The following EDIL3 variants were observed in gnomAD, a reference collection of about 807,000 sequenced individuals.
EDIL3 encodes the protein EGF like and discoidin domains 3, also known as EGF-like repeat and discoidin I-like domain-containing protein 3.
In EDIL3, 37 loss-of-function variants were observed where a neutral mutation model predicts 67.4. That is an observed-to-expected ratio of 0.55 (90% CI 0.42 to 0.72). The LOEUF (loss-of-function observed/expected upper bound fraction) is 0.72. Ranked by LOEUF, EDIL3 falls within the 30% of genes least tolerant of loss-of-function variation. The pLI, the probability that EDIL3 is intolerant of heterozygous loss-of-function variation, is 0.00. For missense variants in EDIL3, 527 were observed against 586.3 expected (o/e 0.90, Z 1.04); for synonymous variants, 195 against 196.3 (o/e 0.99, Z 0.05).
chr5:84,098,707 C>G (rs949243501), intron 6 of EDIL3, among the ~76,000 whole-genome samples: 1 of 152,098 alleles, frequency 6.6e-6, no homozygotes, highest in Non-Finnish European at 1.5e-5. Context: ...TTATTTGAAA[C>G]TAATGAGAAC....
chr5:84,327,707 C>G (rs929245426), intron 1 of EDIL3, among the ~76,000 whole-genome samples: 21 of 151,850 alleles, frequency 1.4e-4, no homozygotes, highest in African/African-American at 5.1e-4. Context: ...CACCAACTTC[C>G]CAAGACCACT....
At chr5:84,211,675 C>A (rs546974834) in intron 3 of EDIL3, among the ~76,000 whole-genome samples, 14 of 152,262 alleles carry the variant, frequency 9.2e-5, no homozygotes, top group Admixed American at 8.5e-4. Context: ...TGCCCACAGC[C>A]AACACAAACT....
intron 9 of EDIL3, among the ~76,000 whole-genome samples, chr5:84,054,053 T>C (rs1429163787): frequency 4.6e-5 from 7 of 151,980 alleles, no homozygotes; most frequent in Non-Finnish European, 1.0e-4. Context: ...GATGCAAAAA[T>C]CCTCAATAAA....
At chr5:84,184,723 C>T (rs756519114) in intron 3 of EDIL3, among the ~76,000 whole-genome samples, 25 of 152,150 alleles carry the variant, frequency 1.6e-4, no homozygotes, top group Admixed American at 3.9e-4. Context: ...TTTCTTAAGT[C>T]CCAAGCATTC....
At chr5:84,269,774 C>T (rs879604660) in intron 1 of EDIL3, among the ~76,000 whole-genome samples, 1 of 152,156 alleles carries the variant, frequency 6.6e-6, no homozygotes, top group African/African-American at 2.4e-5. Flanking sequence ...TTTTCCCAGA[C>T]CTAGGGTTAG....
chr5:84,289,672 A>G (rs985490208), intron 1 of EDIL3, among the ~76,000 whole-genome samples: 2 of 152,142 alleles, frequency 1.3e-5, no homozygotes, highest in East Asian at 3.8e-4. Flanking sequence ...GATGACTAAC[A>G]TCTGATTCTT....
At chr5:84,150,443 G>T (rs574743531) in intron 4 of EDIL3, among the ~76,000 whole-genome samples, 2 of 151,922 alleles carry the variant, frequency 1.3e-5, no homozygotes, top group African/African-American at 4.8e-5. Context: ...AACTCAACAA[G>T]AAATCAAATA....
intron 6 of EDIL3, among the ~76,000 whole-genome samples, chr5:84,084,257 A>ACTTCCT (rs1747028600): frequency 6.6e-6 from 1 of 152,192 alleles, no homozygotes; most frequent in Admixed American, 6.5e-5. Flanking sequence ...TATGTTTTAT[A>ACTTCCT]AAGTTTTATT....
chr5:84,278,704 A>C (rs954750358), intron 1 of EDIL3, among the ~76,000 whole-genome samples: 5 of 152,208 alleles, frequency 3.3e-5, no homozygotes, highest in South Asian at 4.1e-4. Flanking sequence ...AGAATAGTGC[A>C]GATTGCCAAT....
intron 2 of EDIL3, among the ~76,000 whole-genome samples, chr5:84,241,643 G>T (rs1250349496): frequency 6.7e-6 from 1 of 149,276 alleles, no homozygotes; most frequent in South Asian, 2.1e-4. Flanking sequence ...ATTAAAAGCT[G>T]ACAACTAAAT....
intron 1 of EDIL3, among the ~76,000 whole-genome samples, chr5:84,319,302 T>C (rs1286012545): frequency 1.1e-5 from 1 of 87,346 alleles, no homozygotes; most frequent in Non-Finnish European, 2.6e-5. Flanking sequence ...CTACTAAAAA[T>C]ACAAAAAAAA....
At chr5:84,137,465 G>T in intron 4 of EDIL3, 111 bp from the exon 5 acceptor site, 1 of 871,844 alleles carries the variant, frequency 1.1e-6, no homozygotes. Flanking sequence ...ATTCCTTTGT[G>T]TGTGTGTAGG....
chr5:84,266,904 C>T (rs1745363797), intron 1 of EDIL3, among the ~76,000 whole-genome samples: 1 of 152,146 alleles, frequency 6.6e-6, no homozygotes, highest in Non-Finnish European at 1.5e-5. Flanking sequence ...TTTGTGCCTT[C>T]ACTATGTACC....
chr5:83,942,759 T>C lies in EDIL3; in HGVS notation c.*660A>G, dbSNP rs1385878527. ...TTTAGTCAACTAATAGGAAATTCAA[T>C]TAGAAAAAAATTGAATTATTCAGGT... On this transcript the variant is annotated 3_prime_UTR_variant, in exon 11 of 11. Transcript: ENST00000296591. 1 of 151,644 alleles carries C rather than the reference T, an allele frequency of 6.6e-6. No homozygotes were observed. The highest frequency in any genetic ancestry group is 1.9e-4 in the East Asian group (1 of 5,146). The allele number at this position is 151,644 out of a possible 1,614,324, so 9.4% of individuals were successfully genotyped here.
At chr5:84,130,826 T>C (rs1449584980) in intron 5 of EDIL3, among the ~76,000 whole-genome samples, 1 of 152,152 alleles carries the variant, frequency 6.6e-6, no homozygotes, top group Non-Finnish European at 1.5e-5. Flanking sequence ...TGGGTATTTG[T>C]AGTTCATATG....
At chr5:84,355,958 T>A (rs1445159721) in intron 1 of EDIL3, among the ~76,000 whole-genome samples, 1 of 152,200 alleles carries the variant, frequency 6.6e-6, no homozygotes, top group East Asian at 1.9e-4. Context: ...CTTGGGCTGC[T>A]GCCTTTCATT....
chr5:83,964,354 A>C (rs1022568226), intron 9 of EDIL3, among the ~76,000 whole-genome samples: 1 of 151,884 alleles, frequency 6.6e-6, no homozygotes, highest in African/African-American at 2.4e-5. Flanking sequence ...CTCTTCCTGC[A>C]ATAGCCACTT....
intron 6 of EDIL3, among the ~76,000 whole-genome samples, chr5:84,071,584 A>G (rs1439598022): frequency 6.6e-6 from 1 of 152,238 alleles, no homozygotes; most frequent in Admixed American, 6.5e-5. Flanking sequence ...TTCAATAGCA[A>G]AGAAGCAAAG....
intron 9 of EDIL3, among the ~76,000 whole-genome samples, chr5:83,983,030 C>A (rs964041232): frequency 7.9e-5 from 12 of 152,098 alleles, no homozygotes; most frequent in African/African-American, 2.7e-4. Context: ...ATGGGTCTCC[C>A]CCAGTGGAGG....
Sources: gnomAD v4.1 joint callset for allele counts (sites outside exome capture counted in the v4.1 genomes callset) on GRCh38, gnomAD v4.1.1 for gene constraint, MANE v1.5 for transcripts, NCBI Gene and HGNC (gene_info 2026-07-23, HGNC 2026-07-21) for gene names.